Variants in PACRG observed in about 807,000 individuals in gnomAD.
The protein encoded by PACRG is parkin coregulated gene protein.
In PACRG, 29 loss-of-function variants were observed where a neutral mutation model predicts 29.7. The observed-to-expected ratio is 0.98, with a 90% CI of 0.73 to 1.33. The LOEUF (loss-of-function observed/expected upper bound fraction) is 1.33, where lower values mean the gene tolerates loss of function less well. PACRG is among the 40% of genes most tolerant of loss of function. The pLI is 0.00. For missense variants in PACRG, 279 were observed against 316.2 expected (o/e 0.88, Z 0.89); for synonymous variants, 116 against 118.7 (o/e 0.98, Z 0.15).
intron 1 of PACRG, among the ~76,000 whole-genome samples, chr6:162,806,327 TGAACTCCTGACCTCAG>T (rs1421972991): frequency 6.6e-6 from 1 of 151,738 alleles, no homozygotes; most frequent in East Asian, 1.9e-4. Context: ...AGGCTGGTCT[TGAACTCCTGACCTCAG>T]GTGATCCACC....
chr6:163,117,491 C>G (rs552941100), intron 4 of PACRG, among the ~76,000 whole-genome samples: 89 of 152,312 alleles, frequency 5.8e-4, no homozygotes, highest in African/African-American at 2.1e-3. Context: ...GTAGCTCATG[C>G]CTGTAATCCC....
intron 1 of PACRG, among the ~76,000 whole-genome samples, chr6:162,731,132 T>A (rs1401405676): frequency 6.6e-6 from 1 of 152,204 alleles, no homozygotes; most frequent in Non-Finnish European, 1.5e-5. Context: ...ATAATTTTTT[T>A]AATATTAAAG....
intron 4 of PACRG, among the ~76,000 whole-genome samples, chr6:163,225,651 G>A (rs896670699): frequency 6.6e-6 from 1 of 152,180 alleles, no homozygotes; most frequent in Non-Finnish European, 1.5e-5. Context: ...ACAGTATGGA[G>A]GTTCCTCAAA....
intron 2 of PACRG, among the ~76,000 whole-genome samples, chr6:162,992,540 A>G (rs1279965513): frequency 7.1e-6 from 1 of 141,540 alleles, no homozygotes; most frequent in African/African-American, 2.6e-5. Context: ...AGGTGTTTGT[A>G]GTATTCTCTG....
chr6:163,138,909 C>T (rs1817043616), intron 4 of PACRG, among the ~76,000 whole-genome samples: 2 of 152,192 alleles, frequency 1.3e-5, no homozygotes, highest in African/African-American at 2.4e-5. Flanking sequence ...TCTTTTGTTC[C>T]ATTCCATACA....
At chr6:163,023,047 C>T (rs1806784829) in intron 2 of PACRG, among the ~76,000 whole-genome samples, 1 of 152,176 alleles carries the variant, frequency 6.6e-6, no homozygotes, top group Non-Finnish European at 1.5e-5. Context: ...CTCTCCCAGC[C>T]ATGTTCCTTT....
chr6:162,818,163 A>G (rs181932088), intron 2 of PACRG, among the ~76,000 whole-genome samples: 128 of 152,316 alleles, frequency 8.4e-4, no homozygotes, highest in Non-Finnish European at 1.6e-3. Flanking sequence ...TGACCCCTCT[A>G]ACATTTGGGA....
At chr6:162,983,168 A>C (rs1203055766) in intron 2 of PACRG, among the ~76,000 whole-genome samples, 2 of 151,564 alleles carry the variant, frequency 1.3e-5, no homozygotes, top group Non-Finnish European at 1.5e-5. Flanking sequence ...ATCATTTTGC[A>C]CTCCTTTCTC....
intron 1 of PACRG, among the ~76,000 whole-genome samples, chr6:162,766,156 A>T (rs1004470538): frequency 1.3e-5 from 2 of 152,194 alleles, no homozygotes; most frequent in Admixed American, 1.3e-4. Flanking sequence ...GTGCAGTAGG[A>T]CACCAGAAAT....
intron 2 of PACRG, among the ~76,000 whole-genome samples, chr6:162,984,025 AT>A (rs35972956): frequency 6.6e-6 from 1 of 150,514 alleles, no homozygotes; most frequent in African/African-American, 2.4e-5. Flanking sequence ...TTCTTTAAAA[AT>A]TTTTTTTATT....
chr6:162,821,413 C>T (rs1787829321), intron 2 of PACRG, among the ~76,000 whole-genome samples: 1 of 152,170 alleles, frequency 6.6e-6, no homozygotes, highest in Non-Finnish European at 1.5e-5. Context: ...ATTCACATTA[C>T]CAGGGACCCA....
intron 4 of PACRG, among the ~76,000 whole-genome samples, chr6:163,123,701 T>C (rs1816399308): frequency 6.6e-6 from 1 of 152,224 alleles, no homozygotes; most frequent in Non-Finnish European, 1.5e-5. Flanking sequence ...TATTGTCTAC[T>C]TCTGTACATC....
At chr6:163,108,392 C>CTT (rs528887997) in intron 4 of PACRG, among the ~76,000 whole-genome samples, 2,448 of 90,476 alleles carry the variant, frequency 0.027, 80 homozygotes, top group African/African-American at 0.038. Flanking sequence ...TTCTCTTTCC[C>CTT]TTTTTTTTTT....
intron 2 of PACRG, among the ~76,000 whole-genome samples, chr6:162,979,061 T>G (rs1584924811): frequency 6.6e-6 from 1 of 152,238 alleles, no homozygotes; most frequent in African/African-American, 2.4e-5. Context: ...ATTCGTTATA[T>G]AGGTCCTCTT....
intron 4 of PACRG, among the ~76,000 whole-genome samples, chr6:163,303,288 C>T (rs1228813393): frequency 6.6e-6 from 1 of 152,134 alleles, no homozygotes; most frequent in Non-Finnish European, 1.5e-5. Flanking sequence ...CGTGCCACTG[C>T]ACTCTAGCCT....
chr6:162,912,372 G>A (rs757933767), intron 2 of PACRG, among the ~76,000 whole-genome samples: 3 of 151,884 alleles, frequency 2.0e-5, no homozygotes, highest in Non-Finnish European at 2.9e-5. Context: ...ACTGGTCTTC[G>A]GGTGCATGTG....
At chr6:162,948,228 A>C (rs1293281505) in intron 2 of PACRG, among the ~76,000 whole-genome samples, 3 of 152,202 alleles carry the variant, frequency 2.0e-5, no homozygotes, top group Non-Finnish European at 4.4e-5. Context: ...TAGAGAATGC[A>C]GAAATAAATC....
At chr6:163,234,282 C>T (rs1463653417) in intron 4 of PACRG, among the ~76,000 whole-genome samples, 1 of 152,012 alleles carries the variant, frequency 6.6e-6, no homozygotes, top group Admixed American at 6.6e-5. Flanking sequence ...TCAGGAATGG[C>T]TTGGTGCCAT....
At chr6:163,253,228 A>T (rs1485087169) in intron 4 of PACRG, among the ~76,000 whole-genome samples, 1 of 148,788 alleles carries the variant, frequency 6.7e-6, no homozygotes, top group Non-Finnish European at 1.5e-5. Context: ...TGAACCCAGG[A>T]GGCAGAGGTT....
Sources: gnomAD v4.1 joint callset for allele counts (sites outside exome capture counted in the v4.1 genomes callset) on GRCh38, gnomAD v4.1.1 for gene constraint, MANE v1.5 for transcripts, NCBI Gene and HGNC (gene_info 2026-07-23, HGNC 2026-07-21) for gene names.